ODAD1: variants seen among roughly 807,000 people sequenced by gnomAD.
ODAD1 encodes the protein outer dynein arm docking complex subunit 1.
A neutral mutation model predicts 67.2 loss-of-function variants in ODAD1; 49 were observed. The observed-to-expected ratio is 0.73, with a 90% CI of 0.58 to 0.92. The LOEUF is 0.92. ODAD1 is among the 40% of genes least tolerant of loss of function. The probability of loss-of-function intolerance (pLI) is 0.00; values close to 1 mark genes in which losing one functional copy is unlikely to be tolerated. For missense variants in ODAD1, 897 were observed against 953.7 expected (o/e 0.94, Z 0.78); for synonymous variants, 345 against 393.7 (o/e 0.88, Z 1.46).
intron 2 of ODAD1, 121 bp from the exon 3 acceptor site, chr19:48,320,512 T>A (rs1464579587): frequency 2.6e-6 from 1 of 389,900 alleles, no homozygotes; most frequent in African/African-American, 2.1e-5. Flanking sequence ...CACGCTGGCC[T>A]CATTCCTCCA....
At chr19:48,302,068 C>CTGGA (rs755763524) in intron 12 of ODAD1, among the ~76,000 whole-genome samples, 10 of 145,964 alleles carry the variant, frequency 6.9e-5, no homozygotes, top group Admixed American at 3.4e-4. Context: ...GGAATAGACC[C>CTGGA]TGGATGGATG....
rs1158300579 is a variant in ODAD1 at position 48,318,795 on chromosome 19, T to C, written c.88A>G (p.Arg30Gly). 1.3e-6 allele frequency: 2 copies of C among 1,549,726 alleles called. No homozygotes were observed. The highest frequency in any genetic ancestry group is 1.7e-6 in the Non-Finnish European group (2 of 1,145,632). Residue 30 changes from arginine to glycine, a missense_variant, in exon 4 of 16, where the codon AGG (arginine) becomes GGG (glycine). Coordinates refer to ENST00000674294, the MANE Select transcript of ODAD1 (RefSeq NM_001364171.2). ...LEGMVDWELS[R>G]LQRQCKVMEG... is the part of the protein sequence containing the mutation. ...ATCACTTTGCATTGTCGCTGCAGCC[T>C]ACTCAGCTCCCAATCCACTGAGAAC...
chr19:48,312,412 G>GTTTTTTTTTTTT (rs528076931), intron 5 of ODAD1, among the ~76,000 whole-genome samples: 5 of 76,966 alleles, frequency 6.5e-5, no homozygotes, highest in East Asian at 4.2e-4. Flanking sequence ...TTTTTTTTTT[G>GTTTTTTTTTTTT]TTTTTTTTTT....
chr19:48,301,852 T>C (rs1278907633), intron 12 of ODAD1, among the ~76,000 whole-genome samples: 1 of 148,850 alleles, frequency 6.7e-6, no homozygotes, highest in East Asian at 2.0e-4. Flanking sequence ...GATGGATGGA[T>C]GGATGGATGG....
At chr19:48,317,067 C>T (rs956189839) in intron 5 of ODAD1, among the ~76,000 whole-genome samples, 5 of 152,166 alleles carry the variant, frequency 3.3e-5, no homozygotes, top group African/African-American at 7.2e-5. Context: ...GCAATCACAG[C>T]TCACTGAAGC....
rs768598609 is a variant in ODAD1, at chr19:48,297,010, G to C, written c.2090C>G (p.Pro697Arg). 45 of 1,609,510 alleles carry C rather than the reference G, an allele frequency of 2.8e-5. No individual in the cohort carries two copies. Among genetic ancestry groups the C allele is most frequent in the Non-Finnish European group, 3.8e-5 (45 of 1,179,044 alleles). ...GGAGTCTTTGCTGGTGGAGGAGCCC[G>C]GGCCAGTGCTGGAGGCAGGGCCGGT... is the stretch of plus-strand genomic sequence containing the variant. ...SSTGPASSTG[P>R]GSSTSKDSRG The change falls in exon 16 of 16, where the codon CCG becomes CGG. Residue 697 changes from proline (P) to arginine (R), a missense_variant. By Grantham distance (103) the Pro-to-Arg change is moderately radical. Transcript: ENST00000674294.
rs199822195 is a variant in ODAD1, at chr19:48,298,221, G to T, written c.1360C>A (p.Arg454=). 6 of 1,613,752 alleles carry T rather than the reference G, an allele frequency of 3.7e-6. No homozygotes were observed. The highest frequency in any genetic ancestry group is 1.3e-5 in the African/African-American group (1 of 74,922). The stretch of plus-strand genomic sequence containing the variant: ...TGCACTGTCAGGAGCTCCACCAGCC[G>T]CTTCTCAATGAGGCTCAGGAAGAGG... ...MGLFLSLIEK[R]LVELLTVQAF... is the part of the protein sequence containing the mutation. Residue 454 remains arginine (R), a synonymous_variant, in exon 13 of 16, where the codon CGG becomes AGG. Transcript: ENST00000674294.
intron 1 of ODAD1, among the ~76,000 whole-genome samples, chr19:48,321,332 T>G (rs1383372381): frequency 2.6e-5 from 4 of 151,764 alleles, no homozygotes; most frequent in Non-Finnish European, 5.9e-5. Flanking sequence ...TGCGGAGCCC[T>G]GAGAGGTGCA....
Position 48,318,726 on chromosome 19 carries a change from T to C in ODAD1, c.157A>G (p.Ile53Val), listed in dbSNP as rs1000804335. Residue 53 changes from isoleucine (I) to valine (V), a missense_variant, in exon 4 of 16, where the codon ATC becomes GTC. Coordinates refer to ENST00000674294, the MANE Select transcript of ODAD1 (RefSeq NM_001364171.2). ...CGCCCAGCTCACAGTTGCTTGTTGA[T>C]GCGCTGGTGGACTTCCTTGCTGTAG... ...RAYSKEVHQR[I>V]NKQLEEIRRL... 1 of 1,550,684 alleles carries C rather than the reference T, an allele frequency of 6.4e-7. No individual in the cohort carries two copies. The highest frequency in any genetic ancestry group is 8.7e-7 in the Non-Finnish European group (1 of 1,146,288).
chr19:48,302,877 C>T lies in ODAD1; in HGVS notation c.1072-15G>A, dbSNP rs58694009. Reference sequence around the variant, plus strand: ...GCCTCCTGCATCTGTGGGGACAGGGCTGAATGCTGGGCCAGATGGCAGCCT... The same window carrying T: ...GCCTCCTGCATCTGTGGGGACAGGGTTGAATGCTGGGCCAGATGGCAGCCT... On this transcript the variant is annotated splice_polypyrimidine_tract_variant and intron_variant, in intron 11 of 15. Transcript: ENST00000674294. 3 of 1,612,954 alleles carry T rather than the reference C, an allele frequency of 1.9e-6. No individual in the cohort carries two copies. The highest frequency in any genetic ancestry group is 2.5e-6 in the Non-Finnish European group (3 of 1,179,504).
Position 48,296,788 on chromosome 19 carries a change from G to T in ODAD1, c.*188C>A. The T allele has an allele frequency of 3.5e-6, 5 of 1,419,056 alleles. No individual in the cohort carries two copies. The highest frequency in any genetic ancestry group is 5.2e-4 in the Middle Eastern group (2 of 3,840). The allele number at this position is 1,419,056 out of a possible 1,614,324, so 87.9% of individuals were successfully genotyped here. On this transcript the variant is annotated 3_prime_UTR_variant, in exon 16 of 16. Coordinates refer to ENST00000674294, the MANE Select transcript of ODAD1 (RefSeq NM_001364171.2). ...GGAAAAGCAGTGTCAGGAGCAGAGA[G>T]AAAGGAACCGGGAGACACAGGTGAG...
chr19:48,301,635 AGATG>A (rs1968465751), intron 12 of ODAD1, among the ~76,000 whole-genome samples: 1 of 152,254 alleles, frequency 6.6e-6, no homozygotes, highest in South Asian at 2.1e-4. Context: ...CATTGCAGAT[AGATG>A]GATGAACAGA....
At position 48,299,874 on chromosome 19, in the gene ODAD1, A is replaced by G. The variant is rs1190867676; in HGVS notation, c.1241-1534T>C. Among the ~76,000 whole-genome samples, 19 of 145,652 alleles carry G rather than the reference A, an allele frequency of 1.3e-4. No homozygotes were observed. The South Asian group carries it at 1.5e-3, about 11-fold the overall frequency. On this transcript the variant is annotated intron_variant, in intron 12 of 15. Transcript: ENST00000674294. ...TGCAACATACCCACAGAAGGGATTA[A>G]AAAAAAAAAAAAGAAACTCAGCCAG...
At chr19:48,320,100 A>G in intron 3 of ODAD1, 199 bp downstream of exon 3, 1 of 1,039,492 alleles carries the variant, frequency 9.6e-7, no homozygotes, top group Non-Finnish European at 1.2e-6. Flanking sequence ...CTGCTGCCTG[A>G]AGTCTCCAGC....
chr19:48,296,944 C>T lies in ODAD1; in HGVS notation c.*32G>A, dbSNP rs928997129. The T allele has an allele frequency of 1.9e-6, 3 of 1,538,728 alleles. No homozygotes were observed. The highest frequency in any genetic ancestry group is 2.6e-6 in the Non-Finnish European group (3 of 1,149,506). ...CACAAAAAAAGACCCCACAGAGAGCCAGGGCAGGGTGGGGGCTGCGTGCCC... is the reference window on the plus strand; with the variant it reads ...CACAAAAAAAGACCCCACAGAGAGCTAGGGCAGGGTGGGGGCTGCGTGCCC... On this transcript the variant is annotated 3_prime_UTR_variant, in exon 16 of 16. Transcript: ENST00000674294.
rs761765910 is a variant in ODAD1, at chr19:48,298,043, C to A, written c.1459G>T (p.Asp487Tyr). 6.2e-7 allele frequency: 1 copy of A among 1,613,512 alleles called. No individual in the cohort carries two copies. Among genetic ancestry groups the A allele is most frequent in the South Asian group, 1.1e-5 (1 of 91,072 alleles). The change falls in exon 14 of 16, where the codon GAC (aspartate) becomes TAC (tyrosine). Residue 487 changes from aspartate to tyrosine, a missense_variant. By Grantham distance (160) the Asp-to-Tyr change is radical. Transcript: ENST00000674294. ...AGTGGGGCCATCTTCTTCGGAAGGT[C>A]CTCCAGGCTCTGGCCCAGCACTAGG... Reference protein sequence around the residue: ...ALLVLGQSLEDLPKKMAPLQP... With the variant: ...ALLVLGQSLEYLPKKMAPLQP...
At chr19:48,308,545 C>T (rs1968677640) in intron 7 of ODAD1, among the ~76,000 whole-genome samples, 1 of 152,168 alleles carries the variant, frequency 6.6e-6, no homozygotes, top group Non-Finnish European at 1.5e-5. Context: ...TTTAAATTAC[C>T]CTGTTGCAGC....
At chr19:48,312,412 G>GTTTTTTTTTTT (rs528076931) in intron 5 of ODAD1, among the ~76,000 whole-genome samples, 17 of 76,962 alleles carry the variant, frequency 2.2e-4, no homozygotes, top group Admixed American at 5.3e-4. Context: ...TTTTTTTTTT[G>GTTTTTTTTTTT]TTTTTTTTTT....
At chr19:48,306,111 G>A (rs560811013) in intron 8 of ODAD1, 145 bp downstream of exon 8, 3 of 1,230,850 alleles carry the variant, frequency 2.4e-6, no homozygotes, top group Admixed American at 2.7e-5. Context: ...ACTGGTGGCG[G>A]GGAGAGAGAA....
Sources: gnomAD v4.1 joint callset for allele counts (sites outside exome capture counted in the v4.1 genomes callset) on GRCh38, gnomAD v4.1.1 for gene constraint, MANE v1.5 for transcripts, NCBI Gene and HGNC (gene_info 2026-07-23, HGNC 2026-07-21) for gene names.